DDX10: variants seen among roughly 807,000 people sequenced by gnomAD.
The protein encoded by DDX10 is DEAD-box helicase 10.
DDX10 carries 74 observed loss-of-function variants against 104.3 expected under a neutral mutation model. The observed-to-expected ratio is 0.71, with a 90% CI of 0.59 to 0.86. The LOEUF (loss-of-function observed/expected upper bound fraction) is 0.86. Among genes scored for constraint, DDX10 ranks in the 40% least tolerant of loss-of-function variants. The pLI, the probability that DDX10 is intolerant of heterozygous loss-of-function variation, is 0.00. For missense variants in DDX10, 952 were observed against 1,040.0 expected (o/e 0.92, Z 1.16); for synonymous variants, 351 against 353.4 (o/e 0.99, Z 0.08).
At chr11:108,927,062 T>C (rs577077279) in intron 17 of DDX10, among the ~76,000 whole-genome samples, 1 of 152,324 alleles carries the variant, frequency 6.6e-6, no homozygotes, top group Non-Finnish European at 1.5e-5. Flanking sequence ...TAAGGGCATA[T>C]TCACTGTTCT....
intron 16 of DDX10, among the ~76,000 whole-genome samples, chr11:108,887,881 C>T (rs927524856): frequency 8.6e-5 from 13 of 151,888 alleles, no homozygotes; most frequent in Non-Finnish European, 1.9e-4. Context: ...GATCACACCA[C>T]TCTCCAGCCT....
At chr11:108,792,114 T>C (rs1048464096) in intron 13 of DDX10, among the ~76,000 whole-genome samples, 1 of 152,198 alleles carries the variant, frequency 6.6e-6, no homozygotes, top group African/African-American at 2.4e-5. Context: ...CATTTAAAAA[T>C]GGGTTGTTTA....
rs761782012 is a variant in DDX10 at position 108,665,218 on chromosome 11, G to T, written c.65G>T (p.Arg22Leu). The change falls in exon 1 of 18, where the codon CGC becomes CTC. Residue 22 changes from arginine to leucine, a missense_variant. Coordinates refer to ENST00000322536, the MANE Select transcript of DDX10 (RefSeq NM_004398.4). ...ARPDPVRSFN[R>L]WKKKHSHRQN... is the part of the protein sequence containing the mutation. ...CCCGACCCGGTGCGGAGCTTCAATC[G>T]CTGGAAGAAAAAACACAGCCATAGG... The T allele has an allele frequency of 2.7e-5, 43 of 1,613,234 alleles. No homozygotes were observed. The highest frequency in any genetic ancestry group is 1.0e-4 in the Admixed American group (6 of 59,814).
chr11:108,756,888 G>C (rs756242220), intron 13 of DDX10, among the ~76,000 whole-genome samples: 1 of 151,892 alleles, frequency 6.6e-6, no homozygotes, highest in Non-Finnish European at 1.5e-5. Flanking sequence ...ACATACTTTT[G>C]GTCTTAATTG....
chr11:108,678,250 A>C, intron 4 of DDX10, 65 bp from the exon 5 acceptor site: 1 of 1,518,876 alleles, frequency 6.6e-7, no homozygotes, highest in Non-Finnish European at 8.8e-7. Flanking sequence ...TGGCTTTTAT[A>C]GCTTTGGTAC....
chr11:108,858,742 A>G (rs573317682), intron 16 of DDX10, among the ~76,000 whole-genome samples: 12 of 152,298 alleles, frequency 7.9e-5, no homozygotes, highest in African/African-American at 2.9e-4. Flanking sequence ...TTGTCCTAAG[A>G]TGTGCATATT....
At chr11:108,698,604 T>C (rs774571614) in intron 9 of DDX10, among the ~76,000 whole-genome samples, 16 of 152,278 alleles carry the variant, frequency 1.1e-4, no homozygotes, top group South Asian at 8.3e-4. Flanking sequence ...CCAGGTACCC[T>C]TGGGAGTATT....
At chr11:108,916,783 G>A (rs1176470882) in intron 16 of DDX10, among the ~76,000 whole-genome samples, 3 of 152,036 alleles carry the variant, frequency 2.0e-5, no homozygotes, top group South Asian at 2.1e-4. Context: ...TAAATTTGTC[G>A]TGTGATGTTC....
At chr11:108,920,611 T>C (rs1406229938) in intron 17 of DDX10, 1 of 152,190 alleles carries the variant, frequency 6.6e-6, no homozygotes, top group Non-Finnish European at 1.5e-5. Context: ...GACAGATCAG[T>C]GTGATCTTTG....
At chr11:108,670,493 G>A (rs150636544) in intron 1 of DDX10, among the ~76,000 whole-genome samples, 1 of 152,208 alleles carries the variant, frequency 6.6e-6, no homozygotes, top group Non-Finnish European at 1.5e-5. Context: ...CAGTAGCACT[G>A]CTGAGCCCCG....
At chr11:108,939,661 G>A (rs1305245705) in intron 17 of DDX10, among the ~76,000 whole-genome samples, 7 of 152,124 alleles carry the variant, frequency 4.6e-5, no homozygotes, top group Admixed American at 2.0e-4. Flanking sequence ...TATGTCTTGA[G>A]TATGTACTTA....
chr11:108,879,114 G>A (rs75036161), intron 16 of DDX10, among the ~76,000 whole-genome samples: 6,647 of 152,060 alleles, frequency 0.044, 406 homozygotes, highest in African/African-American at 0.13. Context: ...AGCGATTCCC[G>A]TGTCAGCCTT....
At chr11:108,756,590 C>A (rs547046605) in intron 13 of DDX10, among the ~76,000 whole-genome samples, 1 of 152,180 alleles carries the variant, frequency 6.6e-6, no homozygotes, top group South Asian at 2.1e-4. Flanking sequence ...TACTACTAAC[C>A]TAGTAACTTT....
intron 13 of DDX10, among the ~76,000 whole-genome samples, chr11:108,805,859 A>G (rs1248345586): frequency 1.3e-5 from 2 of 152,224 alleles, no homozygotes; most frequent in Admixed American, 6.5e-5. Context: ...ATGAAAGAAG[A>G]AAAACTTTGA....
chr11:108,673,526 A>AG lies in DDX10; in HGVS notation c.247+1dup, dbSNP rs750254519. On this transcript the variant is annotated frameshift_variant and splice_region_variant, in exon 2 of 18. Coordinates refer to ENST00000322536, the MANE Select transcript of DDX10 (RefSeq NM_004398.4). LOFTEE classifies it high-confidence loss of function. ...TTCCCTTGTCCAAAAAAACATTGAAAGGTAAGTATATGGTGATCTTGGGAT... is the reference window on the plus strand; with the variant it reads ...TTCCCTTGTCCAAAAAAACATTGAAAGGGTAAGTATATGGTGATCTTGGGAT... 2 of 1,587,088 alleles carry AG rather than the reference A, an allele frequency of 1.3e-6. No homozygotes were observed. The highest frequency in any genetic ancestry group is 2.2e-5 in the South Asian group (2 of 90,356).
chr11:108,934,239 A>G (rs934323705), intron 17 of DDX10, among the ~76,000 whole-genome samples: 7 of 152,218 alleles, frequency 4.6e-5, no homozygotes, highest in African/African-American at 1.7e-4. Flanking sequence ...GTTATAAAAG[A>G]GAAGGTAGCT....
Position 108,940,831 on chromosome 11 carries a change from A to T in DDX10, c.*408A>T, listed in dbSNP as rs1864100636. 4.5e-6 allele frequency: 1 copy of T among 221,452 alleles called. No homozygotes were observed. The highest frequency in any genetic ancestry group is 9.0e-6 in the Non-Finnish European group (1 of 110,762). 13.7% of individuals were successfully genotyped at this position (221,452 alleles called of 1,614,324 possible). On this transcript the variant is annotated 3_prime_UTR_variant, in exon 18 of 18. Transcript: ENST00000322536. ...AATTGCTCATGATTTCGACGTATTTAATATTTTCAAAGAGACTATGATGGA... is the reference window on the plus strand; with the variant it reads ...AATTGCTCATGATTTCGACGTATTTTATATTTTCAAAGAGACTATGATGGA...
intron 16 of DDX10, among the ~76,000 whole-genome samples, chr11:108,888,337 T>G (rs533115984): frequency 6.6e-6 from 1 of 152,318 alleles, no homozygotes; most frequent in South Asian, 2.1e-4. Flanking sequence ...TTAATACTTA[T>G]ACTTGTTCAA....
chr11:108,811,463 A>G (rs558155812), intron 13 of DDX10, among the ~76,000 whole-genome samples: 2 of 152,328 alleles, frequency 1.3e-5, no homozygotes, highest in South Asian at 2.1e-4. Flanking sequence ...ACTTTCTGTC[A>G]TCTTAATTCC....
Sources: gnomAD v4.1 joint callset for allele counts (sites outside exome capture counted in the v4.1 genomes callset) on GRCh38, gnomAD v4.1.1 for gene constraint, MANE v1.5 for transcripts, NCBI Gene and HGNC (gene_info 2026-07-23, HGNC 2026-07-21) for gene names.